Variants in ROBO2 observed in about 807,000 individuals in gnomAD.
ROBO2 encodes the protein roundabout guidance receptor 2.
In ROBO2, 53 loss-of-function variants were observed where a neutral mutation model predicts 160.8. The observed-to-expected ratio is 0.33, with a 90% CI of 0.26 to 0.41. The LOEUF is 0.41. ROBO2 is among the 10% of genes least tolerant of loss of function. The probability of loss-of-function intolerance (pLI) is 1.00; values close to 1 mark genes in which losing one functional copy is unlikely to be tolerated. For missense variants in ROBO2, 1,577 were observed against 1,722.4 expected (o/e 0.92, Z 1.49); for synonymous variants, 664 against 611.7 (o/e 1.09, Z -1.26).
At chr3:77,060,960 G>A (rs1001654982) in intron 1 of ROBO2, among the ~76,000 whole-genome samples, 5 of 151,360 alleles carry the variant, frequency 3.3e-5, no homozygotes, top group Non-Finnish European at 5.9e-5. Flanking sequence ...TAAAGAGACA[G>A]GGTCTTGCCC....
intron 2 of ROBO2, among the ~76,000 whole-genome samples, chr3:77,392,778 A>AT (rs981526533): frequency 9.9e-5 from 15 of 152,042 alleles, no homozygotes; most frequent in African/African-American, 3.4e-4. Context: ...ACATAGTACT[A>AT]TTTTTTTATT....
intron 2 of ROBO2, among the ~76,000 whole-genome samples, chr3:76,283,935 A>G (rs1708376593): frequency 1.3e-5 from 2 of 152,012 alleles, no homozygotes; most frequent in South Asian, 4.1e-4. Flanking sequence ...CTTCTGAGCA[A>G]CTGCTTTACT....
chr3:77,029,328 T>A (rs780771235), intron 2 of ROBO2, among the ~76,000 whole-genome samples: 1 of 152,198 alleles, frequency 6.6e-6, no homozygotes, highest in Admixed American at 6.5e-5. Context: ...GGAGAGAATT[T>A]TCTTTTTTAT....
rs898301650 is a variant in ROBO2, at chr3:77,377,130, A to G, written c.389-100284A>G. 2.0e-5 allele frequency among the ~76,000 whole-genome samples: 3 copies of G among 152,342 alleles called. No individual in the cohort carries two copies. In the East Asian group the frequency reaches 5.8e-4, roughly 29 times the overall value. ...TCCCTACTTTATTTTAGAAATTTAT[A>G]TCTTCAGTCTATACTGTTTTTATAT... On this transcript the variant is annotated intron_variant, in intron 2 of 25. Coordinates refer to ENST00000461745, the Ensembl canonical transcript of ROBO2.
At chr3:76,952,711 A>AAAAT (rs1249979811) in intron 2 of ROBO2, among the ~76,000 whole-genome samples, 29 of 151,980 alleles carry the variant, frequency 1.9e-4, no homozygotes, top group Admixed American at 4.6e-4. Context: ...ATTTATGTAT[A>AAAAT]AAATATTCAG....
At chr3:77,259,702 G>C (rs2058657990) in intron 2 of ROBO2, among the ~76,000 whole-genome samples, 1 of 152,180 alleles carries the variant, frequency 6.6e-6, no homozygotes, top group African/African-American at 2.4e-5. Flanking sequence ...TAATAAAAAG[G>C]AGTAAGAGGT....
At chr3:76,393,126 C>T (rs1036430717) in intron 2 of ROBO2, among the ~76,000 whole-genome samples, 30 of 152,062 alleles carry the variant, frequency 2.0e-4, no homozygotes, top group Non-Finnish European at 3.4e-4. Context: ...GATATAACAT[C>T]GTTTTGTGTA....
chr3:77,645,250 T>G (rs1162825781), intron 25 of ROBO2, among the ~76,000 whole-genome samples: 1 of 152,214 alleles, frequency 6.6e-6, no homozygotes, highest in East Asian at 1.9e-4. Context: ...ACTGGCCTTT[T>G]GGTAGTTTTA....
intron 1 of ROBO2, among the ~76,000 whole-genome samples, chr3:75,928,523 G>T (rs1559758744): frequency 3.3e-5 from 5 of 152,140 alleles, no homozygotes; most frequent in Admixed American, 6.5e-5. Context: ...CAGGCAGGTT[G>T]TTTCCATTCC....
intron 2 of ROBO2, among the ~76,000 whole-genome samples, chr3:76,253,674 C>G (rs1706178376): frequency 6.6e-6 from 1 of 150,692 alleles, no homozygotes; most frequent in Admixed American, 6.7e-5. Context: ...CTGAAAAGAG[C>G]AACAAATAAT....
At position 76,174,718 on chromosome 3, in the gene ROBO2, C is replaced by G. The variant is rs2073164583; in HGVS notation, c.109+237116C>G. On this transcript the variant is annotated intron_variant, in intron 2 of 26. Transcript: ENST00000487694. ...GAGGCCTCTGTTCTGTTCCATTGGT[C>G]TATATATCTGTTTTGGTACCAGTAT... 2.0e-5 allele frequency among the ~76,000 whole-genome samples: 3 copies of G among 152,132 alleles called. No homozygotes were observed. The South Asian group carries it at 6.2e-4, about 32-fold the overall frequency.
chr3:76,502,767 A>G (rs779486161), intron 2 of ROBO2, among the ~76,000 whole-genome samples: 2 of 152,196 alleles, frequency 1.3e-5, no homozygotes, highest in Non-Finnish European at 2.9e-5. Context: ...ATAGTTAATT[A>G]TAAAGAATAT....
chr3:76,505,484 T>G (rs1305112297), intron 2 of ROBO2, among the ~76,000 whole-genome samples: 1 of 151,918 alleles, frequency 6.6e-6, no homozygotes, highest in African/African-American at 2.4e-5. Flanking sequence ...GGAAACAGGG[T>G]TTTTGCATAT....
intron 2 of ROBO2, among the ~76,000 whole-genome samples, chr3:76,414,380 G>A (rs2075649466): frequency 6.6e-6 from 1 of 152,018 alleles, no homozygotes; most frequent in Non-Finnish European, 1.5e-5. Flanking sequence ...TCAGTTAGTT[G>A]GTGGTATATC....
At chr3:76,934,018 T>G (rs182705709) in intron 2 of ROBO2, among the ~76,000 whole-genome samples, 1 of 152,110 alleles carries the variant, frequency 6.6e-6, no homozygotes, top group East Asian at 1.9e-4. Flanking sequence ...TAGCATAAAA[T>G]TTGCTTTAAG....
chr3:76,938,037 C>G (rs1031615167), intron 2 of ROBO2, among the ~76,000 whole-genome samples: 1 of 152,174 alleles, frequency 6.6e-6, no homozygotes, highest in East Asian at 1.9e-4. Flanking sequence ...GTGGGAATTA[C>G]GGACGGGCCT....
intron 4 of ROBO2, among the ~76,000 whole-genome samples, chr3:77,488,366 T>C (rs571257214): frequency 7.5e-4 from 114 of 152,358 alleles, no homozygotes; most frequent in Non-Finnish European, 1.4e-3. Flanking sequence ...AGAGAGGCTC[T>C]GATCTAATTG....
intron 2 of ROBO2, among the ~76,000 whole-genome samples, chr3:76,264,529 C>T (rs574808220): frequency 2.1e-4 from 32 of 152,158 alleles, no homozygotes; most frequent in African/African-American, 7.5e-4. Flanking sequence ...GGTTCCTTTC[C>T]GATGAAATGG....
intron 2 of ROBO2, among the ~76,000 whole-genome samples, chr3:77,360,161 C>T (rs1053999955): frequency 6.6e-6 from 1 of 151,964 alleles, no homozygotes; most frequent in Admixed American, 6.6e-5. Flanking sequence ...TATCAGTCAC[C>T]ACATGCAGGA....
Sources: gnomAD v4.1 joint callset for allele counts (sites outside exome capture counted in the v4.1 genomes callset) on GRCh38, gnomAD v4.1.1 for gene constraint, MANE v1.5 for transcripts, NCBI Gene and HGNC (gene_info 2026-07-23, HGNC 2026-07-21) for gene names.